Variants in OXR1 observed in about 807,000 individuals in gnomAD.
OXR1 encodes oxidation resistance protein 1.
OXR1 carries 41 observed loss-of-function variants against 104.6 expected under a neutral mutation model. That is an observed-to-expected ratio of 0.39 (90% CI 0.31 to 0.51). OXR1 has a LOEUF of 0.51. Among genes scored for constraint, OXR1 ranks in the 20% least tolerant of loss-of-function variants. The pLI is 0.77. For missense variants in OXR1, 955 were observed against 1,031.9 expected (o/e 0.93, Z 1.02); for synonymous variants, 348 against 348.4 (o/e 1.00, Z 0.01).
chr8:106,669,423 A>G (rs1489087285), intron 3 of OXR1, among the ~76,000 whole-genome samples: 2 of 152,124 alleles, frequency 1.3e-5, no homozygotes, highest in Non-Finnish European at 2.9e-5. Flanking sequence ...GATTTGAGGG[A>G]AAATTGAGGG....
intron 2 of OXR1, among the ~76,000 whole-genome samples, chr8:106,394,525 C>G (rs1176546365): frequency 1.3e-5 from 2 of 152,002 alleles, no homozygotes; most frequent in East Asian, 3.8e-4. Context: ...AACTGGAAAC[C>G]ACCTGAATGT....
rs908841434 is a variant in OXR1, at chr8:106,591,528, A to G, written c.220+72389A>G. ...TTATTAAAAAATAACTCTTACTCTT[A>G]GAAAAATGGGAGTACTTGGTTACAA... On this transcript the variant is annotated intron_variant, in intron 3 of 16. Coordinates refer to ENST00000517566, the MANE Select transcript of OXR1 (RefSeq NM_001198533.2). 5.3e-5 allele frequency among the ~76,000 whole-genome samples: 8 copies of G among 152,200 alleles called. 1 individual carries two copies. Among genetic ancestry groups the G allele is most frequent in the Admixed American group, 2.6e-4 (4 of 15,284 alleles).
At chr8:106,611,901 T>C (rs1346104100) in intron 3 of OXR1, among the ~76,000 whole-genome samples, 1 of 151,764 alleles carries the variant, frequency 6.6e-6, no homozygotes, top group Non-Finnish European at 1.5e-5. Flanking sequence ...GTAGCATACT[T>C]TTAATTTCTA....
At position 106,507,874 on chromosome 8, in the gene OXR1, G is replaced by T. The variant is rs558466622; in HGVS notation, c.24-11069G>T. Among the ~76,000 whole-genome samples, 165 of 152,148 alleles carry T rather than the reference G, an allele frequency of 1.1e-3. 1 individual carries two copies. The highest frequency in any genetic ancestry group is 9.8e-4 in the Admixed American group (15 of 15,278). On this transcript the variant is annotated intron_variant, in intron 2 of 16. Transcript: ENST00000517566. ...CTGAAGGATTTCAAAGAGAATGTTG[G>T]CTTTTCTTTCATTCTCCCTGACTCA... is the stretch of plus-strand genomic sequence containing the variant.
At chr8:106,516,104 A>G (rs1812841119) in intron 2 of OXR1, among the ~76,000 whole-genome samples, 1 of 151,972 alleles carries the variant, frequency 6.6e-6, no homozygotes, top group African/African-American at 2.4e-5. Flanking sequence ...TGTTCCAGCC[A>G]TTGTGCCCTC....
At chr8:106,526,766 A>G (rs960604885) in intron 3 of OXR1, among the ~76,000 whole-genome samples, 3 of 152,190 alleles carry the variant, frequency 2.0e-5, no homozygotes, top group African/African-American at 7.2e-5. Context: ...GATGGTCTCT[A>G]TCTCCTGACT....
intron 2 of OXR1, among the ~76,000 whole-genome samples, chr8:106,474,929 C>G (rs1821720370): frequency 6.6e-6 from 1 of 151,942 alleles, no homozygotes; most frequent in South Asian, 2.1e-4. Context: ...CCCAAACTGT[C>G]TGAGTTTAAA....
At chr8:106,296,722 A>G (rs1012329943) in intron 1 of OXR1, among the ~76,000 whole-genome samples, 2 of 152,212 alleles carry the variant, frequency 1.3e-5, no homozygotes, top group Non-Finnish European at 2.9e-5. Context: ...TCCTTGGACA[A>G]GCAGTGAATG....
At chr8:106,432,584 A>G (rs1377068955) in intron 2 of OXR1, among the ~76,000 whole-genome samples, 1 of 152,008 alleles carries the variant, frequency 6.6e-6, no homozygotes, top group African/African-American at 2.4e-5. Context: ...TCACCTCCCA[A>G]TGAGGATGGG....
chr8:106,434,050 C>T (rs1819470945), intron 2 of OXR1, among the ~76,000 whole-genome samples: 1 of 152,102 alleles, frequency 6.6e-6, no homozygotes. Context: ...AACATAATAT[C>T]ACATTTTTTG....
At chr8:106,462,324 A>T (rs1462605290) in intron 2 of OXR1, among the ~76,000 whole-genome samples, 3 of 152,234 alleles carry the variant, frequency 2.0e-5, no homozygotes, top group Non-Finnish European at 4.4e-5. Context: ...GGCAGCGCAC[A>T]GATGTATACA....
intron 15 of OXR1, among the ~76,000 whole-genome samples, chr8:106,744,696 A>G (rs1044480950): frequency 6.6e-6 from 1 of 152,236 alleles, no homozygotes; most frequent in African/African-American, 2.4e-5. Context: ...GTAAAGGTAT[A>G]AATGAATTTT....
chr8:106,645,723 G>A (rs1188415298), intron 3 of OXR1, among the ~76,000 whole-genome samples: 3 of 152,122 alleles, frequency 2.0e-5, no homozygotes, highest in Non-Finnish European at 2.9e-5. Context: ...GTTTGGTATG[G>A]GGAGGTGGGG....
At chr8:106,306,239 C>G (rs1443729778) in intron 1 of OXR1, among the ~76,000 whole-genome samples, 1 of 152,050 alleles carries the variant, frequency 6.6e-6, no homozygotes, top group African/African-American at 2.4e-5. Context: ...TAAGATTCAA[C>G]AATTTTGGAT....
At chr8:106,516,895 T>C (rs541561940) in intron 2 of OXR1, among the ~76,000 whole-genome samples, 2 of 152,288 alleles carry the variant, frequency 1.3e-5, no homozygotes, top group African/African-American at 2.4e-5. Flanking sequence ...TTAAACTTTA[T>C]CATATTTATG....
intron 7 of OXR1, among the ~76,000 whole-genome samples, chr8:106,698,610 T>G (rs376771858): frequency 5.3e-4 from 81 of 152,284 alleles, no homozygotes; most frequent in African/African-American, 1.9e-3. Context: ...TGGATAATTT[T>G]AATTGCTTGT....
chr8:106,425,543 T>C (rs1180554998), intron 2 of OXR1, among the ~76,000 whole-genome samples: 1 of 152,150 alleles, frequency 6.6e-6, no homozygotes, highest in African/African-American at 2.4e-5. Flanking sequence ...TAAGTCCGCA[T>C]CATTATTGGT....
At chr8:106,685,347 C>G (rs1828595731) in intron 6 of OXR1, among the ~76,000 whole-genome samples, 1 of 152,126 alleles carries the variant, frequency 6.6e-6, no homozygotes, top group Non-Finnish European at 1.5e-5. Flanking sequence ...AACCCTAAAG[C>G]AGAATGATGA....
At chr8:106,405,829 T>C (rs530800872) in intron 2 of OXR1, among the ~76,000 whole-genome samples, 9 of 152,078 alleles carry the variant, frequency 5.9e-5, no homozygotes, top group Non-Finnish European at 7.4e-5. Context: ...GCCGAAATTG[T>C]TTATCCACAG....
Sources: gnomAD v4.1 joint callset for allele counts (sites outside exome capture counted in the v4.1 genomes callset) on GRCh38, gnomAD v4.1.1 for gene constraint, MANE v1.5 for transcripts, NCBI Gene and HGNC (gene_info 2026-07-23, HGNC 2026-07-21) for gene names.